The following LDAH variants were observed in gnomAD, a reference collection of about 807,000 sequenced individuals.
LDAH encodes lipid droplet-associated hydrolase.
In LDAH, 26 loss-of-function variants were observed where a neutral mutation model predicts 29.6. The ratio of observed to expected loss-of-function variants is 0.88; its 90% CI spans 0.64 to 1.22. The LOEUF is 1.22. LDAH is among the 50% of genes most tolerant of loss of function. LDAH has a pLI of 0.00. For synonymous variants in LDAH, 117 were observed against 133.0 expected (o/e 0.88, Z 0.83); for missense variants, 344 against 387.3 (o/e 0.89, Z 0.94).
intron 5 of LDAH, among the ~76,000 whole-genome samples, chr2:20,725,657 C>T (rs1665963246): frequency 6.6e-6 from 1 of 152,180 alleles, no homozygotes; most frequent in African/African-American, 2.4e-5. Context: ...TCTACTGAGT[C>T]ATGGGGAAAT....
chr2:20,737,570 G>A lies in LDAH; in HGVS notation c.703+2401C>T, dbSNP rs141887151. On this transcript the variant is annotated intron_variant, in intron 5 of 6. Transcript: ENST00000237822. ...TCAAGTAATTTCCAAAGGTAGACTG[G>A]CCCTAACTCTTGATTTAGTCAACAA... 2.0e-3 allele frequency among the ~76,000 whole-genome samples: 298 copies of A among 152,272 alleles called. 3 individuals carry two copies. Among genetic ancestry groups the A allele is most frequent in the South Asian group, 9.7e-3 (47 of 4,826 alleles).
chr2:20,685,714 T>A lies in LDAH; in HGVS notation c.*1189A>T. The A allele has an allele frequency of 6.6e-7, 1 of 1,519,790 alleles. No homozygotes were observed. Among genetic ancestry groups the A allele is most frequent in the Non-Finnish European group, 8.8e-7 (1 of 1,134,112 alleles). The allele number at this position is 1,519,790 out of a possible 1,614,324, so 94.1% of individuals were successfully genotyped here. A position where few individuals can be genotyped will look rare whatever the true frequency, so the allele number is the denominator to read the frequency against. On this transcript the variant is annotated 3_prime_UTR_variant, in exon 7 of 7. Coordinates refer to ENST00000237822, the MANE Select transcript of LDAH (RefSeq NM_021925.4). Reference sequence around the variant, plus strand: ...ATCAACTGTCACTGCAGTATGTGGTTCTCAAGATTGAGTCAATTTAGGGGA... The same window carrying A: ...ATCAACTGTCACTGCAGTATGTGGTACTCAAGATTGAGTCAATTTAGGGGA...
chr2:20,759,404 C>T (rs534154075), intron 4 of LDAH, among the ~76,000 whole-genome samples: 24 of 152,288 alleles, frequency 1.6e-4, no homozygotes, highest in African/African-American at 5.8e-4. Context: ...AAAGCAACCA[C>T]ATTTTATTCT....
At chr2:20,798,173 G>A (rs763528371) in intron 2 of LDAH, among the ~76,000 whole-genome samples, 10 of 152,136 alleles carry the variant, frequency 6.6e-5, no homozygotes, top group South Asian at 2.1e-4. Context: ...TACTTCTCAT[G>A]TACCTCTTCT....
chr2:20,816,145 T>C (rs1228327709), intron 1 of LDAH, among the ~76,000 whole-genome samples: 1 of 151,956 alleles, frequency 6.6e-6, no homozygotes, highest in African/African-American at 2.4e-5. Context: ...TCAAAAACAC[T>C]ATAAACATGT....
At chr2:20,768,295 G>A (rs1372086475) in intron 4 of LDAH, among the ~76,000 whole-genome samples, 1 of 152,202 alleles carries the variant, frequency 6.6e-6, no homozygotes, top group Non-Finnish European at 1.5e-5. Context: ...GGAGCTCCCT[G>A]AGCCAGAGCT....
intron 3 of LDAH, among the ~76,000 whole-genome samples, chr2:20,782,381 C>T (rs1287007215): frequency 1.3e-5 from 2 of 152,204 alleles, no homozygotes; most frequent in African/African-American, 4.8e-5. Context: ...CTTAAGATAG[C>T]TCACTTGATC....
chr2:20,716,741 T>C (rs900265684), intron 5 of LDAH, among the ~76,000 whole-genome samples: 3 of 149,490 alleles, frequency 2.0e-5, no homozygotes, highest in African/African-American at 7.3e-5. Flanking sequence ...TATATATATA[T>C]ATATGAGTAG....
At chr2:20,808,215 T>G (rs113174576) in intron 1 of LDAH, among the ~76,000 whole-genome samples, 1 of 152,224 alleles carries the variant, frequency 6.6e-6, no homozygotes, top group African/African-American at 2.4e-5. Flanking sequence ...CAAACTGTAT[T>G]CGTGAACTGG....
chr2:20,795,554 G>A (rs1671248872), intron 2 of LDAH, among the ~76,000 whole-genome samples: 1 of 151,840 alleles, frequency 6.6e-6, no homozygotes, highest in African/African-American at 2.4e-5. Context: ...GAAAGTCCAA[G>A]GACAATGTTA....
intron 2 of LDAH, 67 bp downstream of exon 2, chr2:20,801,243 T>C (rs1558492069): frequency 6.6e-7 from 1 of 1,507,566 alleles, no homozygotes; most frequent in Non-Finnish European, 9.0e-7. Context: ...AAATTCTCTA[T>C]ACTTTAAAAT....
chr2:20,745,445 G>C (rs556074570), intron 4 of LDAH, among the ~76,000 whole-genome samples: 56 of 152,072 alleles, frequency 3.7e-4, no homozygotes, highest in African/African-American at 1.3e-3. Context: ...TTGGTCATTT[G>C]CATTTTTTTT....
At position 20,771,491 on chromosome 2, in the gene LDAH, C is replaced by T. The variant is rs967487221; in HGVS notation, c.468+3319G>A. ...TTCTGGCTTACACAAACATATTTGT[C>T]AAATGCATCTTAAATGGAGCATGTC... On this transcript the variant is annotated intron_variant, in intron 4 of 6. Coordinates refer to ENST00000237822, the MANE Select transcript of LDAH (RefSeq NM_021925.4). Among the ~76,000 whole-genome samples, 8 of 152,290 alleles carry T rather than the reference C, an allele frequency of 5.3e-5. No homozygotes were observed. The East Asian group carries it at 5.8e-4, about 11-fold the overall frequency.
At chr2:20,688,883 A>C (rs898283865) in intron 6 of LDAH, among the ~76,000 whole-genome samples, 3 of 136,198 alleles carry the variant, frequency 2.2e-5, no homozygotes, top group Non-Finnish European at 4.6e-5. Context: ...GGACATGTGC[A>C]GAGTGTGCAG....
At chr2:20,801,276 C>T in intron 2 of LDAH, 34 bp downstream of exon 2, 1 of 1,592,378 alleles carries the variant, frequency 6.3e-7, no homozygotes, top group Non-Finnish European at 8.5e-7. Flanking sequence ...TGAGTATCTA[C>T]AAAAAGTCTC....
chr2:20,732,420 T>A (rs1313257779), intron 5 of LDAH, among the ~76,000 whole-genome samples: 2 of 152,180 alleles, frequency 1.3e-5, no homozygotes, highest in Non-Finnish European at 2.9e-5. Flanking sequence ...TTGGGATGTG[T>A]TCCCTCCTAT....
intron 3 of LDAH, among the ~76,000 whole-genome samples, chr2:20,788,706 A>C (rs1393807989): frequency 1.3e-5 from 2 of 152,196 alleles, no homozygotes; most frequent in African/African-American, 4.8e-5. Context: ...TCTCACCTCA[A>C]ATTAACTAAA....
chr2:20,810,266 A>C (rs988696131), intron 1 of LDAH, among the ~76,000 whole-genome samples: 8 of 152,212 alleles, frequency 5.3e-5, no homozygotes, highest in African/African-American at 1.9e-4. Flanking sequence ...GAACACCTGC[A>C]TGTGCCTTCT....
At position 20,700,388 on chromosome 2, in the gene LDAH, TA is replaced by T. The variant is rs529773978; in HGVS notation, c.786+1181del. ...CTCTGGGTGAATATTTTCAATATTC[TA>T]AAAAAAAAATTTTAAGAACATATAC... On this transcript the variant is annotated intron_variant, in intron 6 of 6. Transcript: ENST00000237822. Among the ~76,000 whole-genome samples, 458 of 151,116 alleles carry T rather than the reference TA, an allele frequency of 3.0e-3. 4 individuals carry two copies. In the South Asian group the frequency reaches 0.044, roughly 14 times the overall value.
Sources: allele counts gnomAD v4.1 joint callset (sites outside exome capture counted in the v4.1 genomes callset), GRCh38; gene constraint gnomAD v4.1.1; transcripts MANE v1.5; gene names NCBI Gene and HGNC (gene_info 2026-07-23, HGNC 2026-07-21).